The following FAM167A variants were observed in gnomAD, a reference collection of about 807,000 sequenced individuals.
FAM167A encodes protein FAM167A.
Under a neutral mutation model 14.9 loss-of-function variants are expected in FAM167A, and 23 were observed. The ratio of observed to expected loss-of-function variants is 1.55; its 90% confidence interval spans 1.11 to 2.19. The LOEUF (loss-of-function observed/expected upper bound fraction) is 2.19. Among genes scored for constraint, FAM167A ranks in the 30% most tolerant of loss-of-function variants. The probability of loss-of-function intolerance (pLI) is 0.00; values close to 1 mark genes in which losing one functional copy is unlikely to be tolerated. For missense variants in FAM167A, 401 were observed against 281.5 expected (o/e 1.42, Z -3.04); for synonymous variants, 174 against 117.7 (o/e 1.48, Z -3.10).
intron 2 of FAM167A, among the ~76,000 whole-genome samples, chr8:11,437,161 C>G (rs1806076500): frequency 6.6e-6 from 1 of 152,176 alleles, no homozygotes; most frequent in African/African-American, 2.4e-5. Flanking sequence ...TGGGTGAATC[C>G]AGACCCACTG....
At position 11,424,355 on chromosome 8, in the gene FAM167A, G is replaced by A. The variant is rs758850719; in HGVS notation, c.*18C>T. ...CCAAGCCCTCCGCTCCAGCCCCTCC[G>A]CCCAGTCTGAGGGCTCCTCAGCAGA... On this transcript the variant is annotated 3_prime_UTR_variant, in exon 3 of 3. Coordinates refer to ENST00000284486, the MANE Select transcript of FAM167A (RefSeq NM_053279.3). The A allele has an allele frequency of 2.9e-5, 46 of 1,612,988 alleles. No homozygotes were observed. In the East Asian group the frequency reaches 5.8e-4, roughly 20 times the overall value.
intron 1 of FAM167A, among the ~76,000 whole-genome samples, chr8:11,465,090 G>A (rs1454749342): frequency 6.6e-6 from 1 of 152,164 alleles, no homozygotes; most frequent in Non-Finnish European, 1.5e-5. Context: ...CTTCAGGTGG[G>A]AAGAATTGAG....
chr8:11,427,651 TTC>T (rs1491508132), intron 2 of FAM167A, among the ~76,000 whole-genome samples: 1 of 152,208 alleles, frequency 6.6e-6, no homozygotes, highest in East Asian at 1.9e-4. Context: ...CATCTCAATG[TTC>T]TTTTTTTCCT....
chr8:11,443,276 A>T (rs1806548679), intron 2 of FAM167A, among the ~76,000 whole-genome samples: 1 of 152,216 alleles, frequency 6.6e-6, no homozygotes, highest in Non-Finnish European at 1.5e-5. Flanking sequence ...CCCTGTTCTC[A>T]GGCTGAGTCA....
rs1398141615 is a variant in FAM167A at position 11,441,088 on chromosome 8, G to A, written c.381+2943C>T. Among the ~76,000 whole-genome samples the A allele has an allele frequency of 8.5e-5, 13 of 152,358 alleles. 1 individual carries two copies. In the East Asian group the frequency reaches 2.5e-3, roughly 29 times the overall value. On this transcript the variant is annotated intron_variant, in intron 2 of 2. Coordinates refer to ENST00000284486, the MANE Select transcript of FAM167A (RefSeq NM_053279.3). Reference sequence around the variant, plus strand: ...CCTGCCTACCTGCCAGCCAGTCTGTGTCTGGTGTACTTTGGGCCTCAGAGT... The same window carrying A: ...CCTGCCTACCTGCCAGCCAGTCTGTATCTGGTGTACTTTGGGCCTCAGAGT...
intron 2 of FAM167A, among the ~76,000 whole-genome samples, chr8:11,429,685 C>T (rs1805441352): frequency 6.6e-6 from 1 of 152,210 alleles, no homozygotes; most frequent in Non-Finnish European, 1.5e-5. Flanking sequence ...GGAAGACTCT[C>T]CCAGGCTCCT....
intron 2 of FAM167A, chr8:11,434,985 C>G (rs1805903922): frequency 2.2e-6 from 1 of 455,228 alleles, no homozygotes; most frequent in African/African-American, 2.0e-5. Context: ...TTTGGGTCCT[C>G]TGCACCTCAG....
Position 11,423,089 on chromosome 8 carries a change from C to T in FAM167A, c.*1284G>A, listed in dbSNP as rs1804872609. ...ACAGCTGTGCAACCTGAGGGAAGTC[C>T]TTCTCCTCCCCCAGGTTTCACTTTG... is the stretch of plus-strand genomic sequence containing the variant. On this transcript the variant is annotated 3_prime_UTR_variant, in exon 3 of 3. Transcript: ENST00000284486. 1 of 152,602 alleles carries T rather than the reference C, an allele frequency of 6.6e-6. No homozygotes were observed. Among genetic ancestry groups the T allele is most frequent in the Non-Finnish European group, 1.5e-5 (1 of 68,042 alleles). The allele number at this position is 152,602 out of a possible 1,614,324, so 9.5% of individuals were successfully genotyped here.
At chr8:11,450,739 C>T (rs1806990465) in intron 1 of FAM167A, among the ~76,000 whole-genome samples, 1 of 152,226 alleles carries the variant, frequency 6.6e-6, no homozygotes, top group Admixed American at 6.5e-5. Flanking sequence ...TCACAGCGAC[C>T]TGTCCTTGCT....
intron 2 of FAM167A, among the ~76,000 whole-genome samples, chr8:11,437,120 G>T (rs1183948113): frequency 1.3e-5 from 2 of 152,202 alleles, no homozygotes; most frequent in Non-Finnish European, 2.9e-5. Flanking sequence ...GGCTTCAGCT[G>T]CCAGGGGCCT....
intron 2 of FAM167A, among the ~76,000 whole-genome samples, chr8:11,440,782 A>T (rs1307761494): frequency 6.6e-6 from 1 of 152,258 alleles, no homozygotes; most frequent in Non-Finnish European, 1.5e-5. Flanking sequence ...GGGCTTGCCC[A>T]GGTGTAGAGA....
intron 1 of FAM167A, among the ~76,000 whole-genome samples, chr8:11,475,478 A>C (rs1797846381): frequency 6.6e-6 from 1 of 152,026 alleles, no homozygotes; most frequent in Non-Finnish European, 1.5e-5. Context: ...CTAGGATCTC[A>C]GAGTCTAAAA....
chr8:11,434,652 G>A (rs1345373044), intron 2 of FAM167A, among the ~76,000 whole-genome samples: 1 of 152,192 alleles, frequency 6.6e-6, no homozygotes, highest in Non-Finnish European at 1.5e-5. Flanking sequence ...ACACCTTCAG[G>A]GGTGAGGCTG....
chr8:11,470,321 G>C (rs1273444405), upstream of FAM167A, among the ~76,000 whole-genome samples: 1 of 152,140 alleles, frequency 6.6e-6, no homozygotes, highest in Non-Finnish European at 1.5e-5. Flanking sequence ...TTGGGGAAGG[G>C]TGTTCTAGGG....
chr8:11,436,978 G>T (rs886810562), intron 2 of FAM167A, among the ~76,000 whole-genome samples: 1 of 152,174 alleles, frequency 6.6e-6, no homozygotes, highest in Admixed American at 6.5e-5. Context: ...TCCTGCCTGC[G>T]CCTCCAAAGG....
chr8:11,464,635 T>C (rs953936557), intron 1 of FAM167A, among the ~76,000 whole-genome samples: 1 of 152,246 alleles, frequency 6.6e-6, no homozygotes, highest in African/African-American at 2.4e-5. Flanking sequence ...ACCCCTGGTC[T>C]GGAAACCAGG....
At chr8:11,429,853 A>G (rs904531606) in intron 2 of FAM167A, among the ~76,000 whole-genome samples, 3 of 152,246 alleles carry the variant, frequency 2.0e-5, no homozygotes, top group African/African-American at 7.2e-5. Context: ...GAAAAGAGAT[A>G]AGGCCTCTTC....
In FAM167A at chr8:11,445,562, T is replaced by C. The variant is rs1040202198; in HGVS notation, c.-397-754A>G. The stretch of plus-strand genomic sequence containing the variant: ...TCTCGTGTTCACCTAAGTGCCCGCA[T>C]GGCAGCACCTGTTTGGTAAAGACTT... On this transcript the variant is annotated intron_variant, in intron 1 of 2. Coordinates refer to ENST00000284486, the MANE Select transcript of FAM167A (RefSeq NM_053279.3). 13 of 985,548 alleles carry C rather than the reference T, an allele frequency of 1.3e-5. No individual in the cohort carries two copies. The African/African-American group carries it at 2.1e-4, about 16-fold the overall frequency. The allele number at this position is 985,548 out of a possible 1,614,324, so 61.1% of individuals were successfully genotyped here. A position where few individuals can be genotyped will look rare whatever the true frequency, so the allele number is the denominator to read the frequency against.
At chr8:11,448,193 TA>T (rs34728701) in intron 1 of FAM167A, among the ~76,000 whole-genome samples, 24,676 of 135,474 alleles carry the variant, frequency 0.18, 2,352 homozygotes, top group Non-Finnish European at 0.24. Flanking sequence ...GACTCTGTCT[TA>T]AAAAAAAAAA....
Sources: gnomAD v4.1 joint callset for allele counts (sites outside exome capture counted in the v4.1 genomes callset) on GRCh38, gnomAD v4.1.1 for gene constraint, MANE v1.5 for transcripts, NCBI Gene and HGNC (gene_info 2026-07-23, HGNC 2026-07-21) for gene names.